Variants in PIEZO2 observed in about 807,000 individuals in gnomAD.
The protein encoded by PIEZO2 is piezo-type mechanosensitive ion channel component 2.
In PIEZO2, 172 loss-of-function variants were observed where a neutral mutation model predicts 337.3. The observed-to-expected ratio is 0.51, with a 90% confidence interval of 0.45 to 0.58. PIEZO2 has a LOEUF of 0.58. Ranked by LOEUF, PIEZO2 falls within the 20% of genes least tolerant of loss-of-function variation. The probability of loss-of-function intolerance (pLI) is 0.00; values close to 1 mark genes in which losing one functional copy is unlikely to be tolerated. For missense variants in PIEZO2, 3,028 were observed against 3,391.3 expected (o/e 0.89, Z 2.66); for synonymous variants, 1,251 against 1,228.5 (o/e 1.02, Z -0.38).
intron 4 of PIEZO2, among the ~76,000 whole-genome samples, chr18:10,897,862 A>T (rs2042942995): frequency 6.6e-6 from 1 of 152,228 alleles, no homozygotes. Flanking sequence ...TTTCTAAAGT[A>T]CGCTTCCTTT....
At chr18:11,019,681 C>G (rs1338354735) in intron 2 of PIEZO2, among the ~76,000 whole-genome samples, 2 of 152,166 alleles carry the variant, frequency 1.3e-5, no homozygotes, top group Admixed American at 1.3e-4. Context: ...TCAGGCTGGA[C>G]AGAGTGCACT....
rs2037368212 is a variant in PIEZO2 at position 11,047,701 on chromosome 18, C to T, written c.160+18426G>A. ...CTGGGGAGAGCACTACAGCAGCCAC[C>T]ACACTGGGAGTTAGGGCCTTTCTCC... is the stretch of plus-strand genomic sequence containing the variant. On this transcript the variant is annotated intron_variant, in intron 2 of 55. Transcript: ENST00000674853. This position sits in a 1 kb window ranked among gnomAD's most constrained non-coding sequence, Gnocchi z 7.2. Among the ~76,000 whole-genome samples the T allele has an allele frequency of 1.3e-5, 2 of 152,098 alleles. No homozygotes were observed. The highest frequency in any genetic ancestry group is 2.4e-5 in the African/African-American group (1 of 41,394).
In PIEZO2 at chr18:10,872,998, AC is replaced by A. The variant is rs1213829567; in HGVS notation, c.330-1584del. Among the ~76,000 whole-genome samples the A allele has an allele frequency of 2.6e-5, 4 of 152,186 alleles. No individual in the cohort carries two copies. Among genetic ancestry groups the A allele is most frequent in the African/African-American group, 9.7e-5 (4 of 41,442 alleles). On this transcript the variant is annotated intron_variant, in intron 4 of 55. Transcript: ENST00000674853. The surrounding 1 kb of genome is among the most constrained non-coding windows in gnomAD (Gnocchi z 4.3). ...AAAATGTTTATCAGAGATACAACTT[AC>A]TTAGGGAAAGGAAGCAAAAGATAGG...
chr18:11,024,874 G>A (rs1161493073), intron 2 of PIEZO2, among the ~76,000 whole-genome samples: 2 of 151,830 alleles, frequency 1.3e-5, no homozygotes, highest in African/African-American at 2.4e-5. Context: ...CCTGATCTTA[G>A]GTGATCTGCC....
intron 2 of PIEZO2, among the ~76,000 whole-genome samples, chr18:11,014,108 G>T (rs2035998319): frequency 1.3e-5 from 2 of 152,224 alleles, no homozygotes; most frequent in East Asian, 1.9e-4. Flanking sequence ...CAGCTCTGAG[G>T]CACCTCCACT....
At chr18:10,777,847 AACTCAAAAGC>A (rs1205706951) in intron 18 of PIEZO2, among the ~76,000 whole-genome samples, 6 of 152,226 alleles carry the variant, frequency 3.9e-5, no homozygotes, top group Non-Finnish European at 8.8e-5. Flanking sequence ...TATTATCTAG[AACTCAAAAGC>A]ACTCTCAGAA....
chr18:10,682,363 G>A lies in PIEZO2; in HGVS notation c.7498-71C>T. On this transcript the variant is annotated intron_variant, in intron 49 of 55. Transcript: ENST00000674853. The surrounding 1 kb of genome is among the most constrained non-coding windows in gnomAD (Gnocchi z 5.6). ...TTTCCCGCAGGCAGCGGGATTGGGG[G>A]AGAGCGAGTGCTCTTCCTGTGGTGC... 5.3e-6 allele frequency: 7 copies of A among 1,314,138 alleles called. No individual in the cohort carries two copies. Among genetic ancestry groups the A allele is most frequent in the Non-Finnish European group, 7.2e-6 (7 of 968,214 alleles). 81.4% of individuals were successfully genotyped at this position (1,314,138 alleles called of 1,614,324 possible). A position where few individuals can be genotyped will look rare whatever the true frequency, so the allele number is the denominator to read the frequency against.
At chr18:10,976,470 G>A (rs2034444994) in intron 3 of PIEZO2, among the ~76,000 whole-genome samples, 1 of 151,900 alleles carries the variant, frequency 6.6e-6, no homozygotes, top group Admixed American at 6.6e-5. Context: ...TTCTCTATTG[G>A]TTACTTCATC....
intron 7 of PIEZO2, among the ~76,000 whole-genome samples, chr18:10,844,086 G>A (rs545371400): frequency 2.6e-5 from 4 of 152,254 alleles, no homozygotes; most frequent in African/African-American, 2.4e-5. Context: ...AGCCTTAGAA[G>A]TCAGAGAGAA....
rs975018822 is a variant in PIEZO2 at position 10,894,683 on chromosome 18, C to T, written c.329+16503G>A. 2.0e-5 allele frequency: 3 copies of T among 152,260 alleles called. No individual in the cohort carries two copies. The highest frequency in any genetic ancestry group is 7.2e-5 in the African/African-American group (3 of 41,452). The allele number at this position is 152,260 out of a possible 1,614,324, so 9.4% of individuals were successfully genotyped here. A position where few individuals can be genotyped will look rare whatever the true frequency, so the allele number is the denominator to read the frequency against. On this transcript the variant is annotated intron_variant, in intron 4 of 55. Transcript: ENST00000674853. The surrounding 1 kb of genome is among the most constrained non-coding windows in gnomAD (Gnocchi z 4.1). Reference sequence around the variant, plus strand: ...TCCGGACGTATGCCAACGCATAAAACCCCAAGTCAAAAGCTCAAACCACAC... The same window carrying T: ...TCCGGACGTATGCCAACGCATAAAATCCCAAGTCAAAAGCTCAAACCACAC...
rs1195860643 is a variant in PIEZO2 at position 11,032,580 on chromosome 18, C to T, written c.160+33547G>A. On this transcript the variant is annotated intron_variant, in intron 2 of 55. Transcript: ENST00000674853. This position sits in a 1 kb window ranked among gnomAD's most constrained non-coding sequence, Gnocchi z 4.9. Reference sequence around the variant, plus strand: ...AGCACAGGGGCAAACACAACAAATACCTCTGGAGATTTTGAAATACAAAGG... The same window carrying T: ...AGCACAGGGGCAAACACAACAAATATCTCTGGAGATTTTGAAATACAAAGG... Among the ~76,000 whole-genome samples, 4 of 152,202 alleles carry T rather than the reference C, an allele frequency of 2.6e-5. No individual in the cohort carries two copies. Among genetic ancestry groups the T allele is most frequent in the African/African-American group, 9.6e-5 (4 of 41,470 alleles).
intron 12 of PIEZO2, 119 bp downstream of exon 12, chr18:10,797,255 C>A: frequency 2.5e-6 from 2 of 807,336 alleles, no homozygotes; most frequent in South Asian, 2.1e-5. Context: ...ATCATACATA[C>A]CATCATATCT....
intron 2 of PIEZO2, among the ~76,000 whole-genome samples, chr18:11,058,388 G>A (rs1441619321): frequency 3.9e-5 from 6 of 152,200 alleles, no homozygotes; most frequent in Non-Finnish European, 8.8e-5. Flanking sequence ...CCAAAGGAAC[G>A]CAGCTCCTCA....
At chr18:10,935,205 G>GTA (rs1422170000) in intron 3 of PIEZO2, among the ~76,000 whole-genome samples, 3 of 152,318 alleles carry the variant, frequency 2.0e-5, no homozygotes, top group South Asian at 4.2e-4. Flanking sequence ...CTTGGGGAAA[G>GTA]TATGCTGTGG....
chr18:10,758,300 C>G (rs539369529), intron 26 of PIEZO2, among the ~76,000 whole-genome samples, 166 bp from the exon 27 acceptor site: 2 of 152,294 alleles, frequency 1.3e-5, no homozygotes, highest in East Asian at 3.9e-4. Context: ...GGGGCCAAGT[C>G]ACACCTTCTC....
intron 3 of PIEZO2, among the ~76,000 whole-genome samples, chr18:10,963,086 A>G (rs1188447064): frequency 6.6e-6 from 1 of 152,084 alleles, no homozygotes; most frequent in East Asian, 1.9e-4. Context: ...GGAGTTCAAG[A>G]CCAGCCTAGC....
intron 4 of PIEZO2, among the ~76,000 whole-genome samples, chr18:10,904,761 G>A (rs941745733): frequency 2.0e-5 from 3 of 152,216 alleles, no homozygotes; most frequent in African/African-American, 4.8e-5. Flanking sequence ...CATTTAATAC[G>A]AGCAAGAAAT....
chr18:10,717,063 T>A (rs1474150306), intron 37 of PIEZO2, among the ~76,000 whole-genome samples: 1 of 152,182 alleles, frequency 6.6e-6, no homozygotes, highest in African/African-American at 2.4e-5. Context: ...GGATTCAGAC[T>A]CCTTGGGTTC....
intron 49 of PIEZO2, among the ~76,000 whole-genome samples, chr18:10,684,417 G>A (rs12969398): frequency 0.29 from 43,314 of 148,414 alleles, 7,106 homozygotes; most frequent in Non-Finnish European, 0.39. Flanking sequence ...TGCCCGCCTC[G>A]GCCTCCCAAA....
Sources: allele counts gnomAD v4.1 joint callset (sites outside exome capture counted in the v4.1 genomes callset), GRCh38; gene constraint gnomAD v4.1.1; non-coding constraint Gnocchi (gnomAD v3.1); transcripts MANE v1.5; gene names NCBI Gene and HGNC (gene_info 2026-07-23, HGNC 2026-07-21).